Variants in DNAJC13 observed in about 807,000 individuals in gnomAD.
DNAJC13 encodes DnaJ heat shock protein family (Hsp40) member C13.
Under a neutral mutation model 290.5 loss-of-function variants are expected in DNAJC13, and 75 were observed. The observed-to-expected ratio is 0.26, with a 90% CI of 0.21 to 0.31. The LOEUF (loss-of-function observed/expected upper bound fraction) is 0.31. Among genes scored for constraint, DNAJC13 ranks in the 10% least tolerant of loss-of-function variants. The pLI is 1.00. For synonymous variants in DNAJC13, 862 were observed against 892.0 expected, an observed-to-expected ratio of 0.97 and a Z score of 0.60; for missense variants, 2,260 against 2,674.5, an observed-to-expected ratio of 0.85 and a Z score of 3.42.
intron 1 of DNAJC13, among the ~76,000 whole-genome samples, chr3:132,431,968 A>G (rs1323755554): frequency 6.6e-6 from 1 of 152,164 alleles, no homozygotes; most frequent in Non-Finnish European, 1.5e-5. Context: ...TACACTAAAA[A>G]TCACCAAATT....
intron 55 of DNAJC13, among the ~76,000 whole-genome samples, chr3:132,535,082 A>T (rs1936548590): frequency 6.6e-6 from 1 of 152,254 alleles, no homozygotes; most frequent in Non-Finnish European, 1.5e-5. Context: ...TGCTGTGACA[A>T]CACACATCAC....
At position 132,488,333 on chromosome 3, in the gene DNAJC13, G is replaced by C. The variant is rs1934951395; in HGVS notation, c.3303G>C (p.Lys1101Asn). The change falls in exon 30 of 56, where the codon AAG becomes AAC. Residue 1101 changes from lysine to asparagine, a missense_variant. This residue lies in a region of DNAJC13 where 1,494 missense variants were observed against 1,693.7 expected (regional missense o/e 0.88). Coordinates refer to ENST00000260818, the MANE Select transcript of DNAJC13 (RefSeq NM_015268.4). Reference sequence around the variant, plus strand: ...CCTTTGACCCTATCCTTGTTGAGAAGGTTGCTATTTTGTTATACCATATCA... The same window carrying C: ...CCTTTGACCCTATCCTTGTTGAGAACGTTGCTATTTTGTTATACCATATCA... ...LLTFDPILVE[K>N]VAILLYHIMQ... The C allele has an allele frequency of 3.1e-6, 5 of 1,612,428 alleles. No individual in the cohort carries two copies. The highest frequency in any genetic ancestry group is 4.2e-6 in the Non-Finnish European group (5 of 1,179,250).
chr3:132,519,819 G>C (rs936844654), intron 48 of DNAJC13, among the ~76,000 whole-genome samples: 2 of 152,022 alleles, frequency 1.3e-5, no homozygotes, highest in Non-Finnish European at 2.9e-5. Flanking sequence ...AGGGCTTCAC[G>C]CTGCTGATGA....
At chr3:132,494,985 C>A in intron 34 of DNAJC13, 103 bp from the exon 35 acceptor site, 1 of 736,152 alleles carries the variant, frequency 1.4e-6, no homozygotes, top group South Asian at 2.3e-5. Context: ...TAATCATATA[C>A]AATTCTTGAT....
chr3:132,516,176 A>G (rs557551652), intron 46 of DNAJC13, among the ~76,000 whole-genome samples: 29 of 152,290 alleles, frequency 1.9e-4, no homozygotes, highest in African/African-American at 5.5e-4. Context: ...TGGACTTTGG[A>G]GGCAGACCTG....
intron 20 of DNAJC13, among the ~76,000 whole-genome samples, chr3:132,471,530 G>A (rs1455077753): frequency 1.4e-5 from 2 of 139,918 alleles, no homozygotes; most frequent in Non-Finnish European, 3.1e-5. Flanking sequence ...CTTCTCAGAC[G>A]GGGCGGCCGG....
intron 1 of DNAJC13, among the ~76,000 whole-genome samples, chr3:132,430,600 TTAGAC>T (rs1470283150): frequency 2.6e-5 from 4 of 152,178 alleles, no homozygotes; most frequent in African/African-American, 9.7e-5. Flanking sequence ...TATCTTAAGT[TTAGAC>T]TAGGAATACA....
Position 132,492,511 on chromosome 3 carries a change from A to C in DNAJC13, c.3721A>C (p.Ile1241Leu). 1 of 1,613,870 alleles carries C rather than the reference A, an allele frequency of 6.2e-7. No individual in the cohort carries two copies. Among genetic ancestry groups the C allele is most frequent in the South Asian group, 1.1e-5 (1 of 91,080 alleles). Residue 1241 changes from isoleucine to leucine, a missense_variant, in exon 33 of 56, where the codon ATA (isoleucine) becomes CTA (leucine). Ile to Leu is a conservative substitution (Grantham distance 5, BLOSUM62 2). This residue lies in a region of DNAJC13 where 1,494 missense variants were observed against 1,693.7 expected (regional missense o/e 0.88). Coordinates refer to ENST00000260818, the MANE Select transcript of DNAJC13 (RefSeq NM_015268.4). ...RALYQYCPIP[I>L]INYPQLENEL... The stretch of plus-strand genomic sequence containing the variant: ...ACTTTATCAGTATTGCCCCATTCCT[A>C]TAATCAACTATCCACAACTCGAAAA...
intron 1 of DNAJC13, among the ~76,000 whole-genome samples, chr3:132,433,469 G>C (rs968955815): frequency 6.6e-6 from 1 of 151,814 alleles, no homozygotes. Context: ...GAGAGAGAAC[G>C]TCTCACTATG....
At chr3:132,431,544 C>T (rs1012243561) in intron 1 of DNAJC13, among the ~76,000 whole-genome samples, 3 of 151,700 alleles carry the variant, frequency 2.0e-5, no homozygotes, top group Admixed American at 1.3e-4. Context: ...CAAAGGCTCT[C>T]GATAATTGGT....
intron 1 of DNAJC13, among the ~76,000 whole-genome samples, chr3:132,421,879 A>T (rs1938968450): frequency 6.6e-6 from 1 of 152,184 alleles, no homozygotes; most frequent in East Asian, 1.9e-4. Context: ...TTGCAGCCAC[A>T]TTCCTGGAAA....
intron 20 of DNAJC13, among the ~76,000 whole-genome samples, chr3:132,468,826 C>T (rs978621318): frequency 1.3e-5 from 2 of 152,152 alleles, no homozygotes; most frequent in Non-Finnish European, 2.9e-5. Context: ...CTCCTGGCTT[C>T]AGGTAGTTAA....
chr3:132,447,782 G>T, intron 4 of DNAJC13, 116 bp from the exon 5 acceptor site: 1 of 805,312 alleles, frequency 1.2e-6, no homozygotes, highest in South Asian at 1.6e-5. Context: ...TTGAATAACA[G>T]TTTTTAGTGT....
intron 48 of DNAJC13, among the ~76,000 whole-genome samples, chr3:132,521,256 A>AC (rs1283139706): frequency 3.3e-5 from 5 of 151,846 alleles, no homozygotes; most frequent in Admixed American, 6.6e-5. Context: ...CAAAAAAAAA[A>AC]GGTTAGAAGT....
At chr3:132,474,080 C>G (rs1480020971) in intron 21 of DNAJC13, among the ~76,000 whole-genome samples, 2 of 152,178 alleles carry the variant, frequency 1.3e-5, no homozygotes, top group Non-Finnish European at 2.9e-5. Context: ...AATGCTCAGT[C>G]ATAGCTTGGC....
chr3:132,498,952 G>A lies in DNAJC13; in HGVS notation c.4157-174G>A, dbSNP rs7630475. On this transcript the variant is annotated intron_variant, in intron 36 of 55. Transcript: ENST00000260818. The stretch of plus-strand genomic sequence containing the variant: ...AGGATGGTCTCAATCTCCTGACCTC[G>A]TGATCCACCCACCTTGGCCTCCCAA... Among the ~76,000 whole-genome samples, 32,376 of 151,910 alleles carry A rather than the reference G, an allele frequency of 0.21. 3,616 individuals are homozygous for A. The highest frequency in any genetic ancestry group is 0.32 in the South Asian group (1,525 of 4,806).
intron 43 of DNAJC13, among the ~76,000 whole-genome samples, chr3:132,507,946 C>T (rs1015780604): frequency 1.2e-4 from 19 of 152,232 alleles, no homozygotes; most frequent in African/African-American, 4.3e-4. Context: ...AAAGCTATGC[C>T]TCTTGTGCCA....
At chr3:132,484,353 G>A in intron 28 of DNAJC13, 2 of 569,890 alleles carry the variant, frequency 3.5e-6, no homozygotes, top group Non-Finnish European at 3.2e-6. Flanking sequence ...AGAGTCTTTG[G>A]CTCTTCTAGG....
At chr3:132,534,489 C>T (rs1936529708) in intron 55 of DNAJC13, among the ~76,000 whole-genome samples, 3 of 152,010 alleles carry the variant, frequency 2.0e-5, no homozygotes, top group Admixed American at 2.0e-4. Flanking sequence ...GACCCCGTCT[C>T]TATAAAAAAA....
Sources: allele counts gnomAD v4.1 joint callset (sites outside exome capture counted in the v4.1 genomes callset), GRCh38; gene constraint gnomAD v4.1.1; regional missense constraint gnomAD v4.1.1; transcripts MANE v1.5; gene names NCBI Gene and HGNC (gene_info 2026-07-23, HGNC 2026-07-21).